Variants in DNAJC6 observed in about 807,000 individuals in gnomAD.
DNAJC6 encodes the protein DnaJ heat shock protein family (Hsp40) member C6.
Under a neutral mutation model 110.0 loss-of-function variants are expected in DNAJC6, and 34 were observed. The ratio of observed to expected loss-of-function variants is 0.31; its 90% confidence interval spans 0.24 to 0.41. The LOEUF is 0.41. Among genes scored for constraint, DNAJC6 ranks in the 10% least tolerant of loss-of-function variants. The pLI is 1.00. For missense variants in DNAJC6, 1,031 were observed against 1,207.8 expected, an observed-to-expected ratio of 0.85 and a Z score of 2.17; for synonymous variants, 406 against 437.2, an observed-to-expected ratio of 0.93 and a Z score of 0.89.
chr1:65,400,984 T>G (rs4915690), intron 14 of DNAJC6, among the ~76,000 whole-genome samples: 27,673 of 152,062 alleles, frequency 0.18, 5,586 homozygotes, highest in East Asian at 0.58. Context: ...TGCCAACATG[T>G]TTTTTGTTTT....
intron 1 of DNAJC6, among the ~76,000 whole-genome samples, chr1:65,350,299 T>G (rs1645478782): frequency 6.6e-6 from 1 of 152,166 alleles, no homozygotes; most frequent in African/African-American, 2.4e-5. Flanking sequence ...TTAGCAAAAT[T>G]TTCATTTCAG....
chr1:65,360,682 A>G (rs1234518892), intron 1 of DNAJC6, among the ~76,000 whole-genome samples: 1 of 152,244 alleles, frequency 6.6e-6, no homozygotes, highest in Non-Finnish European at 1.5e-5. Context: ...GCTCTATTTC[A>G]TATGAAACAG....
intron 1 of DNAJC6, among the ~76,000 whole-genome samples, chr1:65,317,711 C>G (rs1645160945): frequency 6.6e-6 from 1 of 152,164 alleles, no homozygotes; most frequent in Admixed American, 6.5e-5. Flanking sequence ...TTGTAAGCCA[C>G]TTCCTAATTT....
At chr1:65,331,406 C>G (rs956438475) in intron 1 of DNAJC6, among the ~76,000 whole-genome samples, 15 of 152,194 alleles carry the variant, frequency 9.9e-5, no homozygotes, top group Non-Finnish European at 2.1e-4. Context: ...TGTTAACATG[C>G]ATTCTCTTAT....
At chr1:65,299,946 G>A (rs1644962412) in intron 1 of DNAJC6, among the ~76,000 whole-genome samples, 2 of 151,498 alleles carry the variant, frequency 1.3e-5, no homozygotes, top group African/African-American at 2.4e-5. Context: ...CAGCCACTTG[G>A]GAGGCTGAGG....
chr1:65,298,095 T>C (rs942225542), intron 1 of DNAJC6, among the ~76,000 whole-genome samples: 2 of 152,118 alleles, frequency 1.3e-5, no homozygotes, highest in Non-Finnish European at 2.9e-5. Flanking sequence ...GTAATAAAAC[T>C]CTGATCTCCC....
At position 65,389,390 on chromosome 1, in the gene DNAJC6, T is replaced by G; in HGVS notation, c.1328T>G (p.Val443Gly). 1 of 1,614,178 alleles carries G rather than the reference T, an allele frequency of 6.2e-7. No individual in the cohort carries two copies. The highest frequency in any genetic ancestry group is 1.1e-5 in the South Asian group (1 of 91,086). ...PPWEHYCTKD[V>G]NPSILFSSHQ... ...TGGGAACATTACTGCACAAAAGATGTCAATCCCAGCATCCTCTTCTCTTCT... is the reference window on the plus strand; with the variant it reads ...TGGGAACATTACTGCACAAAAGATGGCAATCCCAGCATCCTCTTCTCTTCT... The change falls in exon 10 of 19, where the codon GTC becomes GGC. Residue 443 changes from valine (V) to glycine (G), a missense_variant. Val to Gly is a moderately radical substitution (Grantham distance 109). Coordinates refer to ENST00000371069, the MANE Select transcript of DNAJC6 (RefSeq NM_001256864.2).
intron 11 of DNAJC6, among the ~76,000 whole-genome samples, chr1:65,389,978 A>G (rs891665671): frequency 2.6e-5 from 4 of 151,742 alleles, no homozygotes; most frequent in Non-Finnish European, 5.9e-5. Flanking sequence ...GCGCCACTGC[A>G]CTGCATTCTG....
At chr1:65,334,128 C>T (rs1404920709) in intron 1 of DNAJC6, among the ~76,000 whole-genome samples, 2 of 152,056 alleles carry the variant, frequency 1.3e-5, no homozygotes, top group Non-Finnish European at 2.9e-5. Context: ...AAAAGATGCC[C>T]AGATGAGATT....
chr1:65,280,843 G>A (rs1653820466), intron 1 of DNAJC6, among the ~76,000 whole-genome samples: 1 of 152,170 alleles, frequency 6.6e-6, no homozygotes, highest in Non-Finnish European at 1.5e-5. Context: ...TTCTGAGTGA[G>A]TGTTAGAGTT....
intron 1 of DNAJC6, among the ~76,000 whole-genome samples, chr1:65,280,837 G>A (rs1223697295): frequency 1.3e-5 from 2 of 152,270 alleles, no homozygotes; most frequent in East Asian, 3.9e-4. Flanking sequence ...GGGCTTTTCT[G>A]AGTGAGTGTT....
In DNAJC6 at chr1:65,364,708, G is replaced by C. The variant is rs1299153826; in HGVS notation, c.267G>C (p.Arg89Ser). Residue 89 changes from arginine (R) to serine (S), a missense_variant, in exon 2 of 19, where the codon AGG (arginine) becomes AGC (serine). Physicochemically the swap from Arg to Ser is moderately radical, Grantham distance 110. Coordinates refer to ENST00000371069, the MANE Select transcript of DNAJC6 (RefSeq NM_001256864.2). ...LFDMVKGGAG[R>S]LFSNLKDNLK... ...ACATGGTAAAAGGAGGTGCAGGGAGGCTCTTTAGTAACCTAAAGGACAACT... is the reference window on the plus strand; with the variant it reads ...ACATGGTAAAAGGAGGTGCAGGGAGCCTCTTTAGTAACCTAAAGGACAACT... The C allele has an allele frequency of 1.2e-6, 2 of 1,613,052 alleles. No homozygotes were observed. Among genetic ancestry groups the C allele is most frequent in the Non-Finnish European group, 1.7e-6 (2 of 1,179,618 alleles).
In DNAJC6 at chr1:65,268,543, TG is replaced by T. The variant is rs776330673; in HGVS notation, c.-131+3612del. On this transcript the variant is annotated intron_variant, in intron 1 of 19. Coordinates refer to the DNAJC6 transcript ENST00000263441. ...CTGCAAGGTAGGTGGTATTTTATTC[TG>T]AAGAAATAGATTAAGAATTTTGTAC... Among the ~76,000 whole-genome samples, 7 of 152,328 alleles carry T rather than the reference TG, an allele frequency of 4.6e-5. No homozygotes were observed. The East Asian group carries it at 5.8e-4, about 13-fold the overall frequency.
intron 1 of DNAJC6, among the ~76,000 whole-genome samples, chr1:65,341,373 A>G (rs1285351778): frequency 6.6e-6 from 1 of 152,154 alleles, no homozygotes; most frequent in African/African-American, 2.4e-5. Context: ...TGTCACCTGC[A>G]TTTTTTGGAG....
chr1:65,329,159 C>T (rs1329525180), intron 1 of DNAJC6, among the ~76,000 whole-genome samples: 1 of 152,204 alleles, frequency 6.6e-6, no homozygotes, highest in East Asian at 1.9e-4. Context: ...TTTGATCCTG[C>T]CTGCACTTCG....
chr1:65,388,290 C>T (rs754050234), intron 8 of DNAJC6, 46 bp from the exon 9 acceptor site: 12 of 1,530,016 alleles, frequency 7.8e-6, no homozygotes, highest in Non-Finnish European at 1.1e-5. Context: ...GATCAGATTC[C>T]CTTTTCGCTG....
intron 1 of DNAJC6, among the ~76,000 whole-genome samples, chr1:65,283,919 C>T (rs1194476358): frequency 6.6e-6 from 1 of 152,152 alleles, no homozygotes. Context: ...GTTTTGAACT[C>T]AGCTTCCCAA....
At chr1:65,308,372 A>C (rs932802519), upstream of DNAJC6, among the ~76,000 whole-genome samples, 1 of 152,192 alleles carries the variant, frequency 6.6e-6, no homozygotes, top group Non-Finnish European at 1.5e-5. Context: ...TAGTAGAGAA[A>C]ATGATAATTT....
At chr1:65,394,014 T>C (rs986821451) in intron 12 of DNAJC6, among the ~76,000 whole-genome samples, 1 of 152,170 alleles carries the variant, frequency 6.6e-6, no homozygotes, top group African/African-American at 2.4e-5. Context: ...TGCTATTTCA[T>C]CTGTACTTCA....
Sources: gnomAD v4.1 joint callset for allele counts (sites outside exome capture counted in the v4.1 genomes callset) on GRCh38, gnomAD v4.1.1 for gene constraint, MANE v1.5 for transcripts, NCBI Gene and HGNC (gene_info 2026-07-23, HGNC 2026-07-21) for gene names.